The following ATP13A5 variants were observed in gnomAD, a reference collection of about 807,000 sequenced individuals.
ATP13A5 encodes ATPase 13A5.
Under a neutral mutation model 150.2 loss-of-function variants are expected in ATP13A5, and 149 were observed. The observed-to-expected ratio is 0.99, with a 90% CI of 0.87 to 1.14. ATP13A5 has a LOEUF of 1.14. Among genes scored for constraint, ATP13A5 ranks in the 50% most tolerant of loss-of-function variants. The pLI, the probability that ATP13A5 is intolerant of heterozygous loss-of-function variation, is 0.00. For missense variants in ATP13A5, 1,383 were observed against 1,449.3 expected, an observed-to-expected ratio of 0.95 and a Z score of 0.74; for synonymous variants, 497 against 522.2, an observed-to-expected ratio of 0.95 and a Z score of 0.66.
chr3:193,321,610 G>A, intron 16 of ATP13A5, 71 bp downstream of exon 16: 3 of 1,544,534 alleles, frequency 1.9e-6, no homozygotes, highest in Non-Finnish European at 2.6e-6. Flanking sequence ...CAGCCTTGGG[G>A]ACAGAGCAAG....
chr3:193,348,317 G>A (rs6785559), intron 7 of ATP13A5, among the ~76,000 whole-genome samples: 14,422 of 152,178 alleles, frequency 0.095, 1,087 homozygotes, highest in African/African-American at 0.2. Flanking sequence ...ACGTGCCCTT[G>A]TGTTTGTCGT....
intron 28 of ATP13A5, among the ~76,000 whole-genome samples, chr3:193,278,519 A>G (rs1009646283): frequency 6.6e-6 from 1 of 152,140 alleles, no homozygotes. Flanking sequence ...TGTCTCTGCC[A>G]CCGTACATTC....
chr3:193,339,414 C>A (rs1490019722), intron 9 of ATP13A5, among the ~76,000 whole-genome samples: 1 of 152,128 alleles, frequency 6.6e-6, no homozygotes, highest in African/African-American at 2.4e-5. Context: ...AAATGTGTCC[C>A]AGAGATTCTG....
Position 193,310,800 on chromosome 3 carries a change from C to G in ATP13A5, c.2446-83G>C, listed in dbSNP as rs117864725. ...AAAAGAACAGCCCTGAAAAATCACT[C>G]CTGGTTACTAATTTAATACAGCATT... On this transcript the variant is annotated intron_variant, in intron 20 of 29. Transcript: ENST00000342358. 1,028 of 991,220 alleles carry G rather than the reference C, an allele frequency of 1.0e-3. 6 individuals carry two copies. Among genetic ancestry groups the G allele is most frequent in the East Asian group, 4.5e-3 (180 of 39,860 alleles). The allele number at this position is 991,220 out of a possible 1,614,324, so 61.4% of individuals were successfully genotyped here.
chr3:193,367,298 A>G (rs928360788), intron 1 of ATP13A5, among the ~76,000 whole-genome samples: 3 of 152,110 alleles, frequency 2.0e-5, no homozygotes, highest in African/African-American at 7.2e-5. Flanking sequence ...TAAACTCATC[A>G]ATAAATACGA....
At chr3:193,327,883 C>T (rs987094417) in intron 12 of ATP13A5, among the ~76,000 whole-genome samples, 1 of 152,162 alleles carries the variant, frequency 6.6e-6, no homozygotes, top group Non-Finnish European at 1.5e-5. Context: ...CCAGGGCCCA[C>T]CAGAGCTTTA....
At chr3:193,355,767 T>C (rs1712760065) in intron 5 of ATP13A5, among the ~76,000 whole-genome samples, 1 of 152,192 alleles carries the variant, frequency 6.6e-6, no homozygotes, top group Non-Finnish European at 1.5e-5. Context: ...CAGGACTCTT[T>C]TACACAATCT....
intron 1 of ATP13A5, among the ~76,000 whole-genome samples, chr3:193,371,372 C>A (rs760732110): frequency 3.9e-5 from 6 of 152,190 alleles, no homozygotes; most frequent in Non-Finnish European, 5.9e-5. Flanking sequence ...TGTTGGACAG[C>A]TGTGATGGTG....
intron 23 of ATP13A5, among the ~76,000 whole-genome samples, chr3:193,302,037 T>A (rs998840267): frequency 1.3e-5 from 2 of 152,122 alleles, no homozygotes; most frequent in Admixed American, 1.3e-4. Flanking sequence ...AAATGTGAGG[T>A]AGCAGCATGT....
chr3:193,338,822 C>T (rs1304700859), intron 9 of ATP13A5, among the ~76,000 whole-genome samples: 1 of 152,130 alleles, frequency 6.6e-6, no homozygotes, highest in Non-Finnish European at 1.5e-5. Flanking sequence ...CCAGCTTCTC[C>T]TTGTACCTCT....
chr3:193,280,757 AC>A (rs1444881717), intron 27 of ATP13A5, among the ~76,000 whole-genome samples: 3 of 152,188 alleles, frequency 2.0e-5, no homozygotes, highest in African/African-American at 4.8e-5. Flanking sequence ...TCAGGCCCAA[AC>A]AACAGCATTT....
At chr3:193,336,229 CAT>C (rs1711854069) in intron 9 of ATP13A5, among the ~76,000 whole-genome samples, 1 of 151,836 alleles carries the variant, frequency 6.6e-6, no homozygotes, top group Admixed American at 6.6e-5. Flanking sequence ...GTTCAAAACA[CAT>C]AGTTTTTTCT....
At chr3:193,311,259 C>G (rs1380693100) in intron 20 of ATP13A5, among the ~76,000 whole-genome samples, 2 of 152,174 alleles carry the variant, frequency 1.3e-5, no homozygotes, top group African/African-American at 4.8e-5. Context: ...ACAGAATTTT[C>G]ATGACACTGC....
intron 22 of ATP13A5, 129 bp downstream of exon 22, chr3:193,307,198 G>T: frequency 6.5e-7 from 1 of 1,546,856 alleles, no homozygotes. Flanking sequence ...AGGTAGAGGT[G>T]GATATAAACA....
intron 8 of ATP13A5, 109 bp from the exon 9 acceptor site, chr3:193,344,164 T>C: frequency 7.4e-7 from 1 of 1,355,696 alleles, no homozygotes; most frequent in East Asian, 2.5e-5. Flanking sequence ...CTACCCTACC[T>C]GTTCAACTGT....
intron 17 of ATP13A5, among the ~76,000 whole-genome samples, chr3:193,315,668 T>C (rs1262474132): frequency 6.6e-6 from 1 of 152,196 alleles, no homozygotes; most frequent in Non-Finnish European, 1.5e-5. Flanking sequence ...TGAAATGGAA[T>C]CACTCTTGGG....
chr3:193,338,522 T>A (rs1711984329), intron 9 of ATP13A5, among the ~76,000 whole-genome samples: 1 of 152,362 alleles, frequency 6.6e-6, no homozygotes, highest in Non-Finnish European at 1.5e-5. Context: ...TCTGTTTATA[T>A]GCTGGATTAC....
At chr3:193,277,998 T>C (rs1717301779) in intron 28 of ATP13A5, among the ~76,000 whole-genome samples, 1 of 152,092 alleles carries the variant, frequency 6.6e-6, no homozygotes, top group African/African-American at 2.4e-5. Flanking sequence ...GAGACGGGGT[T>C]TTACCATGTT....
At chr3:193,330,726 T>A (rs1188691400) in intron 12 of ATP13A5, among the ~76,000 whole-genome samples, 1 of 152,170 alleles carries the variant, frequency 6.6e-6, no homozygotes, top group East Asian at 1.9e-4. Flanking sequence ...TTCCTTTCCT[T>A]CAAAGAAGCA....
Sources: gnomAD v4.1 joint callset for allele counts (sites outside exome capture counted in the v4.1 genomes callset) on GRCh38, gnomAD v4.1.1 for gene constraint, MANE v1.5 for transcripts, NCBI Gene and HGNC (gene_info 2026-07-23, HGNC 2026-07-21) for gene names.